OLIG1: variants seen among roughly 807,000 people sequenced by gnomAD.
OLIG1 encodes basic domain, helix-loop-helix protein, class B, 6.
In OLIG1, 9 loss-of-function variants were observed where a neutral mutation model predicts 13.5. The observed-to-expected ratio is 0.67, with a 90% CI of 0.40 to 1.17. The LOEUF is 1.17. Ranked by LOEUF, OLIG1 falls within the 50% of genes most tolerant of loss-of-function variation. The pLI is 0.01. For missense variants in OLIG1, 362 were observed against 392.2 expected (o/e 0.92, Z 0.65); for synonymous variants, 215 against 208.3 (o/e 1.03, Z -0.28).
chr21:33,071,062 A>G lies in OLIG1; in HGVS notation c.816A>G (p.Ter272TrpextTer111). Residue 272 changes from the stop codon to tryptophan, a stop_lost, in exon 1 of 1, where the codon TGA becomes TGG. Coordinates refer to ENST00000382348, the MANE Select transcript of OLIG1 (RefSeq NM_138983.3). This position sits in a 1 kb window ranked among gnomAD's most constrained non-coding sequence, Gnocchi z 6.0. ...CCGTGCAGGCGCAATTCTCCAAGTG[A>G]GGGCGGGCCTGGGCCTGGGGCGCGA... ...LAAVQAQFSK[*>W] The G allele has an allele frequency of 6.7e-7, 1 of 1,482,190 alleles. No homozygotes were observed. The highest frequency in any genetic ancestry group is 8.9e-7 in the Non-Finnish European group (1 of 1,118,212). 91.8% of individuals were successfully genotyped at this position (1,482,190 alleles called of 1,614,324 possible).
At position 33,070,846 on chromosome 21, in the gene OLIG1, C is replaced by T. The variant is rs530391299; in HGVS notation, c.600C>T (p.Ser200=). 31 of 1,207,934 alleles carry T rather than the reference C, an allele frequency of 2.6e-5. No individual in the cohort carries two copies. The highest frequency in any genetic ancestry group is 3.5e-5 in the East Asian group (1 of 28,262). 74.8% of individuals were successfully genotyped at this position (1,207,934 alleles called of 1,614,324 possible). ...GLPLLAAAPG[S]VLLAPGAVGP... is the part of the protein sequence containing the mutation. ...CCCTGCTCGCCGCCGCGCCCGGCTC[C>T]GTGCTGCTGGCGCCCGGCGCCGTAG... is the stretch of plus-strand genomic sequence containing the variant. The change falls in exon 1 of 1, where the codon TCC becomes TCT. Residue 200 remains serine (S), a synonymous_variant. Transcript: ENST00000382348. The surrounding 1 kb of genome is among the most constrained non-coding windows in gnomAD (Gnocchi z 5.9).
In OLIG1 at chr21:33,070,463, C is replaced by T. The variant is rs1244540186; in HGVS notation, c.217C>T (p.Pro73Ser). 2.6e-6 allele frequency: 4 copies of T among 1,524,566 alleles called. No individual in the cohort carries two copies. The highest frequency in any genetic ancestry group is 2.6e-6 in the Non-Finnish European group (3 of 1,140,574). The allele number at this position is 1,524,566 out of a possible 1,614,324, so 94.4% of individuals were successfully genotyped here. The change falls in exon 1 of 1, where the codon CCG becomes TCG. Residue 73 changes from proline (P) to serine (S), a missense_variant. Coordinates refer to ENST00000382348, the MANE Select transcript of OLIG1 (RefSeq NM_138983.3). This position sits in a 1 kb window ranked among gnomAD's most constrained non-coding sequence, Gnocchi z 5.9. ...PLLPKAAREK[P>S]EAPAEPPGPG... ...CCTCCCCAAGGCTGCGCGCGAGAAG[C>T]CGGAGGCGCCGGCCGAGCCTCCAGG...
At position 33,070,968 on chromosome 21, in the gene OLIG1, G is replaced by GCC; in HGVS notation, c.725_726dup (p.Gly243ProfsTer92). On this transcript the variant is annotated frameshift_variant, in exon 1 of 1. Coordinates refer to ENST00000382348, the MANE Select transcript of OLIG1 (RefSeq NM_138983.3). LOFTEE classifies it high-confidence loss of function. This position sits in a 1 kb window ranked among gnomAD's most constrained non-coding sequence, Gnocchi z 5.9. The stretch of plus-strand genomic sequence containing the variant: ...GCTCTCCCCGGCGGCGGCGCAGGCG[G>GCC]CCCCGGCCTCTGCACCTGCGCCGTG... The GCC allele has an allele frequency of 6.8e-7, 1 of 1,474,964 alleles. No homozygotes were observed. The highest frequency in any genetic ancestry group is 8.9e-7 in the Non-Finnish European group (1 of 1,120,364). The allele number at this position is 1,474,964 out of a possible 1,614,324, so 91.4% of individuals were successfully genotyped here.
chr21:33,070,591 G>A lies in OLIG1; in HGVS notation c.345G>A (p.Arg115=). The change falls in exon 1 of 1, where the codon CGG becomes CGA. Residue 115 remains arginine (R), a synonymous_variant. Transcript: ENST00000382348. The surrounding 1 kb of genome is among the most constrained non-coding windows in gnomAD (Gnocchi z 5.9). The part of the protein sequence containing the change: ...QLRRKINSRE[R]KRMQDLNLAM... ...GGCGCAAGATCAACAGCCGCGAGCGGAAGCGCATGCAGGACCTGAACCTGG... is the reference window on the plus strand; with the variant it reads ...GGCGCAAGATCAACAGCCGCGAGCGAAAGCGCATGCAGGACCTGAACCTGG... The A allele has an allele frequency of 3.8e-6, 6 of 1,565,788 alleles. No individual in the cohort carries two copies. The highest frequency in any genetic ancestry group is 5.2e-6 in the Non-Finnish European group (6 of 1,162,998).
Position 33,070,427 on chromosome 21 carries a change from A to C in OLIG1, c.181A>C (p.Thr61Pro), listed in dbSNP as rs1472345478. 1 of 1,529,284 alleles carries C rather than the reference A, an allele frequency of 6.5e-7. No homozygotes were observed. Among genetic ancestry groups the C allele is most frequent in the Admixed American group, 2.0e-5 (1 of 50,098 alleles). 94.7% of individuals were successfully genotyped at this position (1,529,284 alleles called of 1,614,324 possible). A position where few individuals can be genotyped will look rare whatever the true frequency, so the allele number is the denominator to read the frequency against. ...STSSTSSSSTTAPLLPKAARE... is the reference protein window; with the variant it reads ...STSSTSSSSTPAPLLPKAARE... ...CTCCTCCACTTCCTCCTCCTCCACGACGGCCCCCCTCCTCCCCAAGGCTGC... is the reference window on the plus strand; with the variant it reads ...CTCCTCCACTTCCTCCTCCTCCACGCCGGCCCCCCTCCTCCCCAAGGCTGC... Residue 61 changes from threonine to proline, a missense_variant, in exon 1 of 1, where the codon ACG becomes CCG. Transcript: ENST00000382348. This position sits in a 1 kb window ranked among gnomAD's most constrained non-coding sequence, Gnocchi z 5.9.
rs762144279 is a variant in OLIG1, at chr21:33,070,995, G to T, written c.749G>T (p.Cys250Phe). 3 of 1,503,462 alleles carry T rather than the reference G, an allele frequency of 2.0e-6. No homozygotes were observed. The highest frequency in any genetic ancestry group is 1.2e-5 in the South Asian group (1 of 81,734). 93.1% of individuals were successfully genotyped at this position (1,503,462 alleles called of 1,614,324 possible). The change falls in exon 1 of 1, where the codon TGC (cysteine) becomes TTC (phenylalanine). Residue 250 changes from cysteine (C) to phenylalanine (F), a missense_variant. Cys to Phe is a radical substitution (Grantham distance 205, BLOSUM62 -2). Transcript: ENST00000382348. The surrounding 1 kb of genome is among the most constrained non-coding windows in gnomAD (Gnocchi z 5.9). ...GGPGLCTCAVCKFPHLVPASL... is the reference protein window; with the variant it reads ...GGPGLCTCAVFKFPHLVPASL... The stretch of plus-strand genomic sequence containing the variant: ...CCCGGCCTCTGCACCTGCGCCGTGT[G>T]CAAGTTCCCGCACCTGGTCCCGGCC...
Position 33,070,493 on chromosome 21 carries a change from G to A in OLIG1, c.247G>A (p.Gly83Arg), listed in dbSNP as rs759772548. The change falls in exon 1 of 1, where the codon GGG (glycine) becomes AGG (arginine). Residue 83 changes from glycine to arginine, a missense_variant. Around this residue, in one of 3 missense-constraint regions of OLIG1, gnomAD observed 206 missense variants for 197.2 expected, o/e 1.04. Coordinates refer to ENST00000382348, the MANE Select transcript of OLIG1 (RefSeq NM_138983.3). This position sits in a 1 kb window ranked among gnomAD's most constrained non-coding sequence, Gnocchi z 5.9. ...GGCGCCGGCCGAGCCTCCAGGCCCC[G>A]GGCCCGGGTCAGGCGCGCACCCGGG... ...PEAPAEPPGP[G>R]PGSGAHPGGS... The A allele has an allele frequency of 2.6e-6, 4 of 1,516,938 alleles. No individual in the cohort carries two copies. The highest frequency in any genetic ancestry group is 3.5e-6 in the Non-Finnish European group (4 of 1,137,652). 94.0% of individuals were successfully genotyped at this position (1,516,938 alleles called of 1,614,324 possible). A position where few individuals can be genotyped will look rare whatever the true frequency, so the allele number is the denominator to read the frequency against.
chr21:33,072,199 A>G lies in OLIG1; in HGVS notation c.*1137A>G, dbSNP rs1982253010. 1 of 167,138 alleles carries G rather than the reference A, an allele frequency of 6.0e-6. No individual in the cohort carries two copies. The allele number at this position is 167,138 out of a possible 1,614,324, so 10.4% of individuals were successfully genotyped here. A position where few individuals can be genotyped will look rare whatever the true frequency, so the allele number is the denominator to read the frequency against. ...TTCCTTCTCGCCGTCTTGCAGTTGAAGAGCTACATACGTAGTCAGTTTCGA... is the reference window on the plus strand; with the variant it reads ...TTCCTTCTCGCCGTCTTGCAGTTGAGGAGCTACATACGTAGTCAGTTTCGA... On this transcript the variant is annotated 3_prime_UTR_variant, in exon 1 of 1. Transcript: ENST00000382348.
rs775216609 is a variant in OLIG1, at chr21:33,070,499, G to C, written c.253G>C (p.Gly85Arg). The change falls in exon 1 of 1, where the codon GGG becomes CGG. Residue 85 changes from glycine (G) to arginine (R), a missense_variant. By Grantham distance (125) the Gly-to-Arg change is moderately radical (BLOSUM62 -2). Coordinates refer to ENST00000382348, the MANE Select transcript of OLIG1 (RefSeq NM_138983.3). The surrounding 1 kb of genome is among the most constrained non-coding windows in gnomAD (Gnocchi z 5.9). ...APAEPPGPGP[G>R]SGAHPGGSAR... Reference sequence around the variant, plus strand: ...GGCCGAGCCTCCAGGCCCCGGGCCCGGGTCAGGCGCGCACCCGGGCGGCAG... The same window carrying C: ...GGCCGAGCCTCCAGGCCCCGGGCCCCGGTCAGGCGCGCACCCGGGCGGCAG... 1 of 1,503,136 alleles carries C rather than the reference G, an allele frequency of 6.7e-7. No homozygotes were observed. The highest frequency in any genetic ancestry group is 8.8e-7 in the Non-Finnish European group (1 of 1,132,056). 93.1% of individuals were successfully genotyped at this position (1,503,136 alleles called of 1,614,324 possible). A position where few individuals can be genotyped will look rare whatever the true frequency, so the allele number is the denominator to read the frequency against.
Position 33,071,312 on chromosome 21 carries a change from G to T in OLIG1, c.*250G>T. The stretch of plus-strand genomic sequence containing the variant: ...TTCTGGGTCGGTTCCAGCGGCTTTA[G>T]GCAGAAAGTGCTCGCTCTCACCCAG... On this transcript the variant is annotated 3_prime_UTR_variant, in exon 1 of 1. Coordinates refer to ENST00000382348, the MANE Select transcript of OLIG1 (RefSeq NM_138983.3). This position sits in a 1 kb window ranked among gnomAD's most constrained non-coding sequence, Gnocchi z 6.0. The T allele has an allele frequency of 5.4e-6, 2 of 370,180 alleles. No individual in the cohort carries two copies. Among genetic ancestry groups the T allele is most frequent in the Non-Finnish European group, 1.0e-5 (2 of 195,342 alleles). The allele number at this position is 370,180 out of a possible 1,614,324, so 22.9% of individuals were successfully genotyped here. A position where few individuals can be genotyped will look rare whatever the true frequency, so the allele number is the denominator to read the frequency against.
At position 33,070,604 on chromosome 21, in the gene OLIG1, G is replaced by T. The variant is rs756520834; in HGVS notation, c.358G>T (p.Asp120Tyr). The T allele has an allele frequency of 6.4e-7, 1 of 1,572,698 alleles. No homozygotes were observed. Among genetic ancestry groups the T allele is most frequent in the South Asian group, 1.2e-5 (1 of 86,920 alleles). Residue 120 changes from aspartate (D) to tyrosine (Y), a missense_variant, in exon 1 of 1, where the codon GAC becomes TAC. By Grantham distance (160) the Asp-to-Tyr change is radical. Coordinates refer to ENST00000382348, the MANE Select transcript of OLIG1 (RefSeq NM_138983.3). This position sits in a 1 kb window ranked among gnomAD's most constrained non-coding sequence, Gnocchi z 5.9. ...CAGCCGCGAGCGGAAGCGCATGCAGGACCTGAACCTGGCCATGGACGCCCT... is the reference window on the plus strand; with the variant it reads ...CAGCCGCGAGCGGAAGCGCATGCAGTACCTGAACCTGGCCATGGACGCCCT... The part of the protein sequence containing the change: ...INSRERKRMQ[D>Y]LNLAMDALRE...
At position 33,070,575 on chromosome 21, in the gene OLIG1, T is replaced by C; in HGVS notation, c.329T>C (p.Ile110Thr). The C allele has an allele frequency of 6.5e-7, 1 of 1,545,768 alleles. No individual in the cohort carries two copies. The highest frequency in any genetic ancestry group is 1.4e-5 in the African/African-American group (1 of 70,186). Reference protein sequence around the residue: ...EEQQQQLRRKINSRERKRMQD... With the variant: ...EEQQQQLRRKTNSRERKRMQD... ...CAGCAGCAGCAGCTGCGGCGCAAGA[T>C]CAACAGCCGCGAGCGGAAGCGCATG... is the stretch of plus-strand genomic sequence containing the variant. Residue 110 changes from isoleucine (I) to threonine (T), a missense_variant, in exon 1 of 1, where the codon ATC (isoleucine) becomes ACC (threonine). Physicochemically the swap from Ile to Thr is moderately conservative, Grantham distance 89. Coordinates refer to ENST00000382348, the MANE Select transcript of OLIG1 (RefSeq NM_138983.3). This position sits in a 1 kb window ranked among gnomAD's most constrained non-coding sequence, Gnocchi z 5.9.
In OLIG1 at chr21:33,071,121, G is replaced by A. The variant is rs552615511; in HGVS notation, c.*59G>A. The A allele has an allele frequency of 1.0e-5, 14 of 1,387,800 alleles. No homozygotes were observed. In the East Asian group the frequency reaches 3.9e-4, roughly 39 times the overall value. The allele number at this position is 1,387,800 out of a possible 1,614,324, so 86.0% of individuals were successfully genotyped here. A position where few individuals can be genotyped will look rare whatever the true frequency, so the allele number is the denominator to read the frequency against. On this transcript the variant is annotated 3_prime_UTR_variant, in exon 1 of 1. Transcript: ENST00000382348. This position sits in a 1 kb window ranked among gnomAD's most constrained non-coding sequence, Gnocchi z 6.0. ...CGGCCTCCCTTCGCTCAGCTTCTCC[G>A]CGCCCCTGCTCCCTGCGTCTGGGAG...
chr21:33,070,560 A>AGCT lies in OLIG1; in HGVS notation c.317_319dup (p.Leu106dup), dbSNP rs1982192542. On this transcript the variant is annotated inframe_insertion, in exon 1 of 1. Coordinates refer to ENST00000382348, the MANE Select transcript of OLIG1 (RefSeq NM_138983.3). The surrounding 1 kb of genome is among the most constrained non-coding windows in gnomAD (Gnocchi z 5.9). The stretch of plus-strand genomic sequence containing the variant: ...GACGCCAAGGAGGAGCAGCAGCAGC[A>AGCT]GCTGCGGCGCAAGATCAACAGCCGC... The AGCT allele has an allele frequency of 2.0e-6, 3 of 1,525,362 alleles. No homozygotes were observed. The African/African-American group carries it at 4.3e-5, about 22-fold the overall frequency. The allele number at this position is 1,525,362 out of a possible 1,614,324, so 94.5% of individuals were successfully genotyped here.
Position 33,070,345 on chromosome 21 carries a change from C to G in OLIG1, c.99C>G (p.Tyr33Ter). 3 of 1,547,292 alleles carry G rather than the reference C, an allele frequency of 1.9e-6. No individual in the cohort carries two copies. Among genetic ancestry groups the G allele is most frequent in the Non-Finnish European group, 2.6e-6 (3 of 1,145,940 alleles). The change falls in exon 1 of 1, where the codon TAC becomes TAG. Residue 33 changes from tyrosine (Y) to a stop codon, truncating the protein, a stop_gained. Transcript: ENST00000382348. LOFTEE classifies it high-confidence loss of function. This position sits in a 1 kb window ranked among gnomAD's most constrained non-coding sequence, Gnocchi z 5.9. ...PGDLQLGASL[Y>*]ELVGYRQPPS... The stretch of plus-strand genomic sequence containing the variant: ...ACTTGCAGCTCGGGGCCTCCCTCTA[C>G]GAGCTGGTGGGCTACAGGCAGCCGC...
At position 33,071,443 on chromosome 21, in the gene OLIG1, C is replaced by A. The variant is rs919928574; in HGVS notation, c.*381C>A. The A allele has an allele frequency of 5.8e-6, 1 of 171,952 alleles. No individual in the cohort carries two copies. Among genetic ancestry groups the A allele is most frequent in the African/African-American group, 2.4e-5 (1 of 41,730 alleles). 10.7% of individuals were successfully genotyped at this position (171,952 alleles called of 1,614,324 possible). On this transcript the variant is annotated 3_prime_UTR_variant, in exon 1 of 1. Transcript: ENST00000382348. The surrounding 1 kb of genome is among the most constrained non-coding windows in gnomAD (Gnocchi z 6.0). ...GCCCCGGGTGCAGCGAGAGGCCATCCCCGAGCGCTACCTCCCCGGAGCGGA... is the reference window on the plus strand; with the variant it reads ...GCCCCGGGTGCAGCGAGAGGCCATCACCGAGCGCTACCTCCCCGGAGCGGA...
rs1472616641 is a variant in OLIG1, at chr21:33,070,414, C to A, written c.168C>A (p.Ser56=). The A allele has an allele frequency of 6.5e-7, 1 of 1,538,304 alleles. No homozygotes were observed. Among genetic ancestry groups the A allele is most frequent in the East Asian group, 2.5e-5 (1 of 40,376 alleles). ...SSSTSSTSST[S]SSSTTAPLLP... ...CCACCTCCTCCACCTCCTCCACTTC[C>A]TCCTCCTCCACGACGGCCCCCCTCC... Residue 56 remains serine (S), a synonymous_variant, in exon 1 of 1, where the codon TCC becomes TCA. Transcript: ENST00000382348. The surrounding 1 kb of genome is among the most constrained non-coding windows in gnomAD (Gnocchi z 5.9).
chr21:33,070,157 G>A lies in OLIG1; in HGVS notation c.-90G>A. ...CAGGGCCCCACCATCGTTTCCCCGC[G>A]CGCAGGTCCGCGGGGAGGGGCGGCC... On this transcript the variant is annotated 5_prime_UTR_variant, in exon 1 of 1. Transcript: ENST00000382348. The surrounding 1 kb of genome is among the most constrained non-coding windows in gnomAD (Gnocchi z 5.9). 7.1e-7 allele frequency: 1 copy of A among 1,399,420 alleles called. No homozygotes were observed. Among genetic ancestry groups the A allele is most frequent in the South Asian group, 1.6e-5 (1 of 63,340 alleles). The allele number at this position is 1,399,420 out of a possible 1,614,324, so 86.7% of individuals were successfully genotyped here. A position where few individuals can be genotyped will look rare whatever the true frequency, so the allele number is the denominator to read the frequency against.
At position 33,070,854 on chromosome 21, in the gene OLIG1, T is replaced by G. The variant is rs1982204140; in HGVS notation, c.608T>G (p.Leu203Arg). The change falls in exon 1 of 1, where the codon CTG (leucine) becomes CGG (arginine). Residue 203 changes from leucine to arginine, a missense_variant. This residue lies in a region of OLIG1 where 94 missense variants were observed against 146.0 expected (regional missense o/e 0.64). Transcript: ENST00000382348. This position sits in a 1 kb window ranked among gnomAD's most constrained non-coding sequence, Gnocchi z 5.9. ...LLAAAPGSVLLAPGAVGPPDA... is the reference protein window; with the variant it reads ...LLAAAPGSVLRAPGAVGPPDA... Reference sequence around the variant, plus strand: ...GCCGCCGCGCCCGGCTCCGTGCTGCTGGCGCCCGGCGCCGTAGGACCCCCC... The same window carrying G: ...GCCGCCGCGCCCGGCTCCGTGCTGCGGGCGCCCGGCGCCGTAGGACCCCCC... 8.1e-7 allele frequency: 1 copy of G among 1,232,198 alleles called. No individual in the cohort carries two copies. The highest frequency in any genetic ancestry group is 1.0e-6 in the Non-Finnish European group (1 of 986,330). 76.3% of individuals were successfully genotyped at this position (1,232,198 alleles called of 1,614,324 possible).
Sources: gnomAD v4.1 joint callset for allele counts on GRCh38, gnomAD v4.1.1 for gene constraint, gnomAD v4.1.1 regional missense constraint, Gnocchi (gnomAD v3.1) non-coding constraint, MANE v1.5 for transcripts, NCBI Gene and HGNC (gene_info 2026-07-23, HGNC 2026-07-21) for gene names.